NRG3: variants seen among roughly 807,000 people sequenced by gnomAD.
NRG3 encodes neuregulin 3.
A neutral mutation model predicts 66.9 loss-of-function variants in NRG3; 31 were observed. That is an observed-to-expected ratio of 0.46 (90% CI 0.35 to 0.63). The LOEUF is 0.63. Ranked by LOEUF, NRG3 falls within the 20% of genes least tolerant of loss-of-function variation. The pLI is 0.00. For missense variants in NRG3, 910 were observed against 878.9 expected, an observed-to-expected ratio of 1.04 and a Z score of -0.45; for synonymous variants, 393 against 359.4, an observed-to-expected ratio of 1.09 and a Z score of -1.06.
intron 3 of NRG3, among the ~76,000 whole-genome samples, chr10:82,779,809 T>C (rs1041468498): frequency 4.6e-5 from 7 of 152,026 alleles, no homozygotes; most frequent in African/African-American, 1.7e-4. Context: ...TGTGCCATGG[T>C]GGTTTGCTGC....
At chr10:82,430,942 ATGT>A (rs2089765248) in intron 2 of NRG3, among the ~76,000 whole-genome samples, 1 of 152,164 alleles carries the variant, frequency 6.6e-6, no homozygotes, top group Admixed American at 6.5e-5. Flanking sequence ...TCAGTGTGAG[ATGT>A]TATGACATTT....
intron 1 of NRG3, among the ~76,000 whole-genome samples, chr10:82,336,295 A>G (rs1342255667): frequency 6.6e-6 from 1 of 152,086 alleles, no homozygotes; most frequent in African/African-American, 2.4e-5. Context: ...AAACTTTAAG[A>G]TATCAAAGAA....
At chr10:82,311,735 G>A (rs557481759) in intron 1 of NRG3, among the ~76,000 whole-genome samples, 1 of 152,212 alleles carries the variant, frequency 6.6e-6, no homozygotes, top group East Asian at 1.9e-4. Context: ...AATCTATGAA[G>A]GAGGGTTTAC....
At chr10:82,929,613 G>T (rs1308056603) in intron 4 of NRG3, among the ~76,000 whole-genome samples, 1 of 152,082 alleles carries the variant, frequency 6.6e-6, no homozygotes, top group East Asian at 1.9e-4. Flanking sequence ...GAAATGTGCA[G>T]TGGCTCACCC....
intron 1 of NRG3, among the ~76,000 whole-genome samples, chr10:82,111,463 C>A (rs2067383574): frequency 6.6e-6 from 1 of 152,104 alleles, no homozygotes; most frequent in Non-Finnish European, 1.5e-5. Context: ...AGTGTCATAG[C>A]ATTTACCAGT....
chr10:82,587,453 A>G (rs1176099095), intron 2 of NRG3, among the ~76,000 whole-genome samples: 2 of 152,192 alleles, frequency 1.3e-5, no homozygotes, highest in Admixed American at 6.5e-5. Flanking sequence ...TGGCATCCCC[A>G]GTAAGTTTTA....
chr10:82,890,127 GTTT>G lies in NRG3; in HGVS notation c.1054+24706_1054+24708del, dbSNP rs35591529. On this transcript the variant is annotated intron_variant, in intron 4 of 8. Coordinates refer to ENST00000372141, the MANE Select transcript of NRG3 (RefSeq NM_001010848.4). ...ACAGGGACTCTAGATGATCTGCTAA[GTTT>G]TTTTTTTTTTTTTTTAAGTAATGTA... Among the ~76,000 whole-genome samples, 338 of 138,148 alleles carry G rather than the reference GTTT, an allele frequency of 2.4e-3. 1 individual carries two copies. The highest frequency in any genetic ancestry group is 6.4e-3 in the African/African-American group (242 of 38,108). The allele number at this position is 138,148 out of a possible 152,430, so 90.6% of individuals were successfully genotyped here.
intron 3 of NRG3, among the ~76,000 whole-genome samples, chr10:82,818,090 A>G (rs1040196668): frequency 6.6e-6 from 1 of 152,236 alleles, no homozygotes. Flanking sequence ...GGCTAGCTGC[A>G]TTTATACCCA....
chr10:82,476,201 C>CA (rs1204030444), intron 2 of NRG3, among the ~76,000 whole-genome samples: 2 of 152,052 alleles, frequency 1.3e-5, no homozygotes, highest in African/African-American at 2.4e-5. Context: ...AACAACAAAA[C>CA]AAAAAACAAG....
chr10:82,678,607 A>G (rs1198700078), intron 2 of NRG3, among the ~76,000 whole-genome samples: 3 of 152,132 alleles, frequency 2.0e-5, no homozygotes, highest in Non-Finnish European at 4.4e-5. Context: ...GGCTTAAACC[A>G]ATTGTTATTT....
At chr10:82,471,435 G>T (rs760888671) in intron 2 of NRG3, among the ~76,000 whole-genome samples, 2 of 152,174 alleles carry the variant, frequency 1.3e-5, no homozygotes, top group Admixed American at 6.5e-5. Flanking sequence ...ACTATTGAGA[G>T]ATCATGGGAC....
At chr10:82,523,733 C>G (rs1304394264) in intron 2 of NRG3, among the ~76,000 whole-genome samples, 1 of 152,140 alleles carries the variant, frequency 6.6e-6, no homozygotes, top group African/African-American at 2.4e-5. Flanking sequence ...AAAGGACACT[C>G]ACCTTACATA....
intron 1 of NRG3, among the ~76,000 whole-genome samples, chr10:82,150,526 C>CAAAAAAAAAAAAAAAAAAAAAA (rs2070637635): frequency 1.8e-4 from 3 of 17,134 alleles, no homozygotes; most frequent in African/African-American, 4.5e-4. Context: ...AAAAAGAGCA[C>CAAAAAAAAAAAAAAAAAAAAAA]ACACAAAAAA....
At chr10:82,117,907 G>A (rs554554639) in intron 1 of NRG3, among the ~76,000 whole-genome samples, 3 of 152,116 alleles carry the variant, frequency 2.0e-5, no homozygotes, top group Admixed American at 6.5e-5. Context: ...CTTACATTTC[G>A]CCTTCATTAC....
At chr10:82,061,453 A>G (rs189018582) in intron 1 of NRG3, among the ~76,000 whole-genome samples, 112 of 152,282 alleles carry the variant, frequency 7.4e-4, no homozygotes, top group African/African-American at 2.5e-3. Flanking sequence ...TGTTCTTCCA[A>G]TTCTCAGGTC....
At chr10:82,087,475 C>T (rs924637971) in intron 1 of NRG3, among the ~76,000 whole-genome samples, 2 of 152,080 alleles carry the variant, frequency 1.3e-5, no homozygotes, top group Non-Finnish European at 2.9e-5. Flanking sequence ...CTCTCCCGGC[C>T]TCTCAAGTTG....
At chr10:82,151,825 A>C (rs2070769864) in intron 1 of NRG3, among the ~76,000 whole-genome samples, 1 of 152,224 alleles carries the variant, frequency 6.6e-6, no homozygotes, top group Non-Finnish European at 1.5e-5. Flanking sequence ...GGCTCTGCTC[A>C]GAAGACTTGG....
At chr10:82,865,373 T>C in intron 3 of NRG3, 38 bp from the exon 4 acceptor site, 3 of 1,611,352 alleles carry the variant, frequency 1.9e-6, no homozygotes, top group Non-Finnish European at 2.5e-6. Flanking sequence ...TTTTTCTCTT[T>C]TTCTCTTCCC....
chr10:82,856,164 A>G (rs541589640), intron 3 of NRG3, among the ~76,000 whole-genome samples: 1 of 152,320 alleles, frequency 6.6e-6, no homozygotes, highest in East Asian at 1.9e-4. Context: ...GCTCTGAAAG[A>G]CATATAGATG....
Sources: allele counts gnomAD v4.1 joint callset (sites outside exome capture counted in the v4.1 genomes callset), GRCh38; gene constraint gnomAD v4.1.1; transcripts MANE v1.5; gene names NCBI Gene and HGNC (gene_info 2026-07-23, HGNC 2026-07-21).